OGG1: variants seen among roughly 807,000 people sequenced by gnomAD.
OGG1 encodes 8-oxoguanine DNA glycosylase, also known as N-glycosylase/DNA lyase.
In OGG1, 35 loss-of-function variants were observed where a neutral mutation model predicts 42.3. That is an observed-to-expected ratio of 0.83 (90% CI 0.63 to 1.10). The LOEUF (loss-of-function observed/expected upper bound fraction) is 1.10, where lower values mean the gene tolerates loss of function less well. Among genes scored for constraint, OGG1 ranks in the 50% least tolerant of loss-of-function variants. OGG1 has a pLI of 0.00. For synonymous variants in OGG1, 189 were observed against 179.0 expected (o/e 1.06, Z -0.44); for missense variants, 484 against 446.7 (o/e 1.08, Z -0.75).
At chr3:9,765,678 T>C (rs1330110561) in intron 7 of OGG1, 24 of 1,494,972 alleles carry the variant, frequency 1.6e-5, no homozygotes, top group African/African-American at 2.8e-5. Flanking sequence ...TTTAAATGAT[T>C]TGTCCAAAGC....
intron 3 of OGG1, chr3:9,785,276 CG>C: frequency 6.6e-7 from 1 of 1,511,484 alleles, no homozygotes; most frequent in South Asian, 1.1e-5. Flanking sequence ...CCAACAGAAG[CG>C]GGGGCCAGAC....
rs143170381 is a variant in OGG1 at position 9,751,840 on chromosome 3, C to G, written c.456C>G (p.Ile152Met). 6.2e-7 allele frequency: 1 copy of G among 1,614,078 alleles called. No homozygotes were observed. Among genetic ancestry groups the G allele is most frequent in the Non-Finnish European group, 8.5e-7 (1 of 1,180,032 alleles). ...FSFICSSNNN[I>M]ARITGMVERL... is the part of the protein sequence containing the mutation. ...TTATCTGTTCCTCCAACAACAACAT[C>G]GCCCGCATCACTGGCATGGTGGAGC... is the stretch of plus-strand genomic sequence containing the variant. Residue 152 changes from isoleucine (I) to methionine (M), a missense_variant, in exon 3 of 7, where the codon ATC becomes ATG. Physicochemically the swap from Ile to Met is conservative, Grantham distance 10 (BLOSUM62 1). Transcript: ENST00000344629.
chr3:9,762,836 C>G, intron 7 of OGG1: 2 of 1,479,840 alleles, frequency 1.4e-6, no homozygotes, highest in East Asian at 2.3e-5. Context: ...GTGAAAGTTG[C>G]CCAAGGTCAG....
downstream of OGG1, among the ~76,000 whole-genome samples, chr3:9,770,390 G>T (rs2078275319): frequency 6.6e-6 from 1 of 152,250 alleles, no homozygotes; most frequent in East Asian, 1.9e-4. Context: ...GGTGGGGGAT[G>T]GGGGAGTGAG....
downstream of OGG1, chr3:9,758,078 T>A: frequency 1.9e-6 from 1 of 534,588 alleles, no homozygotes; most frequent in Non-Finnish European, 3.1e-6. Flanking sequence ...AATAGAAACA[T>A]AACTATAATT....
chr3:9,752,856 G>A (rs538998456), intron 3 of OGG1, among the ~76,000 whole-genome samples: 2 of 152,212 alleles, frequency 1.3e-5, no homozygotes, highest in African/African-American at 4.8e-5. Flanking sequence ...TTCAAGACCA[G>A]CCTGGCCAAC....
chr3:9,789,679 T>C (rs1559720962), downstream of OGG1: 6 of 1,609,310 alleles, frequency 3.7e-6, no homozygotes, highest in Non-Finnish European at 3.4e-6. Flanking sequence ...CACCAGAACC[T>C]TGAGGCCCCC....
At chr3:9,777,516 T>C (rs1374125498) in intron 2 of OGG1, among the ~76,000 whole-genome samples, 4 of 152,096 alleles carry the variant, frequency 2.6e-5, no homozygotes, top group African/African-American at 9.7e-5. Context: ...GCTGGAATAT[T>C]ACTCTCCTTG....
At chr3:9,789,987 T>C (rs376961867), downstream of OGG1, 5 of 1,565,454 alleles carry the variant, frequency 3.2e-6, no homozygotes, top group South Asian at 2.4e-5. Context: ...AAAGTGTCAC[T>C]GAGGGGGAGA....
At chr3:9,789,727 A>G (rs1365154274), downstream of OGG1, 2 of 1,613,014 alleles carry the variant, frequency 1.2e-6, no homozygotes, top group Non-Finnish European at 1.7e-6. Flanking sequence ...TGGGGGCATC[A>G]TTTTTGGGGA....
chr3:9,784,434 A>T (rs540621889), intron 3 of OGG1, among the ~76,000 whole-genome samples: 1 of 152,334 alleles, frequency 6.6e-6, no homozygotes, highest in African/African-American at 2.4e-5. Flanking sequence ...AAAAACCCAT[A>T]ATGCCAACAA....
chr3:9,758,096 A>C (rs1032137594), downstream of OGG1: 4 of 471,090 alleles, frequency 8.5e-6, no homozygotes, highest in Non-Finnish European at 1.5e-5. Flanking sequence ...ATTCATATTA[A>C]TATGTAATAG....
intron 2 of OGG1, among the ~76,000 whole-genome samples, chr3:9,775,463 A>G (rs1231969147): frequency 3.3e-5 from 5 of 152,210 alleles, no homozygotes; most frequent in African/African-American, 1.2e-4. Context: ...TCTTTGCACC[A>G]ACTTCACCCT....
chr3:9,785,409 G>A, intron 3 of OGG1: 3 of 1,613,332 alleles, frequency 1.9e-6, no homozygotes, highest in Non-Finnish European at 2.5e-6. Flanking sequence ...ATCCTCCATA[G>A]GGGAAATAAT....
chr3:9,753,602 C>T (rs1490485305), intron 3 of OGG1, among the ~76,000 whole-genome samples: 32 of 146,140 alleles, frequency 2.2e-4, no homozygotes, highest in Non-Finnish European at 3.5e-4. Flanking sequence ...TGCAGTGAGC[C>T]GAGATCGTGC....
downstream of OGG1, among the ~76,000 whole-genome samples, chr3:9,768,689 C>T (rs1172287577): frequency 6.6e-6 from 1 of 152,204 alleles, no homozygotes. Flanking sequence ...CACAGCCTCC[C>T]AACCCATCCA....
intron 3 of OGG1, among the ~76,000 whole-genome samples, chr3:9,754,266 A>G (rs1486764765): frequency 6.6e-6 from 1 of 152,234 alleles, no homozygotes; most frequent in African/African-American, 2.4e-5. Context: ...AAATGGGAAA[A>G]CAGCAGTACT....
chr3:9,760,879 C>T, downstream of OGG1: 1 of 1,482,362 alleles, frequency 6.7e-7, no homozygotes, highest in East Asian at 2.5e-5. Context: ...GGAGTTCCCC[C>T]TTTATAAACT....
chr3:9,787,829 A>AATTTC, exon 4 of OGG1: 3 of 745,254 alleles, frequency 4.0e-6, no homozygotes, highest in Non-Finnish European at 6.0e-6. Context: ...GGGAATCTGA[A>AATTTC]AGAGTGCTTT....
Sources: allele counts gnomAD v4.1 joint callset (sites outside exome capture counted in the v4.1 genomes callset), GRCh38; gene constraint gnomAD v4.1.1; transcripts MANE v1.5; gene names NCBI Gene and HGNC (gene_info 2026-07-23, HGNC 2026-07-21).